LRP1B: variants seen among roughly 807,000 people sequenced by gnomAD.
LRP1B encodes the protein low-density lipoprotein receptor-related protein 1B.
LRP1B carries 217 observed loss-of-function variants against 556.6 expected under a neutral mutation model. The ratio of observed to expected loss-of-function variants is 0.39; its 90% CI spans 0.35 to 0.44. LRP1B has a LOEUF of 0.44. Among genes scored for constraint, LRP1B ranks in the 20% least tolerant of loss-of-function variants. The pLI is 1.00. For synonymous variants in LRP1B, 2,047 were observed against 1,865.8 expected (o/e 1.10, Z -2.50); for missense variants, 5,053 against 5,620.8 (o/e 0.90, Z 3.23).
At position 140,247,069 on chromosome 2, in the gene LRP1B, T is replaced by A; in HGVS notation, c.13324+17A>T. 6.3e-7 allele frequency: 1 copy of A among 1,589,372 alleles called. No individual in the cohort carries two copies. The highest frequency in any genetic ancestry group is 1.1e-5 in the South Asian group (1 of 90,410). On this transcript the variant is annotated intron_variant, in intron 87 of 90. Transcript: ENST00000389484. ...ATACAGTGTAGATTACCCAAAATAT[T>A]AATCTGAGAAACTTACTTGTGCTGA...
At chr2:141,698,674 A>G (rs1202399206) in intron 2 of LRP1B, among the ~76,000 whole-genome samples, 1 of 151,718 alleles carries the variant, frequency 6.6e-6, no homozygotes, top group Non-Finnish European at 1.5e-5. Context: ...GAGCTGTAGC[A>G]TATTCCAAAT....
intron 2 of LRP1B, among the ~76,000 whole-genome samples, chr2:141,510,234 A>ACACACCCCC (rs767916859): frequency 6.9e-6 from 1 of 145,282 alleles, no homozygotes; most frequent in African/African-American, 2.5e-5. Flanking sequence ...ACACACACAC[A>ACACACCCCC]CCCCCCACAG....
At chr2:141,677,433 C>T (rs1690926483) in intron 2 of LRP1B, among the ~76,000 whole-genome samples, 1 of 152,118 alleles carries the variant, frequency 6.6e-6, no homozygotes, top group African/African-American at 2.4e-5. Flanking sequence ...AACATTATTA[C>T]AGGGGAGTTA....
chr2:141,300,264 G>C (rs2105428064), intron 3 of LRP1B, among the ~76,000 whole-genome samples: 1 of 152,222 alleles, frequency 6.6e-6, no homozygotes, highest in African/African-American at 2.4e-5. Context: ...AACTGCTTTG[G>C]AGGTACACAA....
chr2:141,415,806 T>C (rs1346545273), intron 3 of LRP1B, among the ~76,000 whole-genome samples: 1 of 152,166 alleles, frequency 6.6e-6, no homozygotes, highest in Non-Finnish European at 1.5e-5. Context: ...GAAAATGAAG[T>C]ATGTGATTGC....
At chr2:141,770,823 G>T (rs190677172) in intron 2 of LRP1B, among the ~76,000 whole-genome samples, 80 of 152,304 alleles carry the variant, frequency 5.3e-4, no homozygotes, top group Admixed American at 3.5e-3. Context: ...GAAATGAGTT[G>T]CCTGTTAATA....
intron 2 of LRP1B, among the ~76,000 whole-genome samples, chr2:141,581,701 T>C (rs1026015367): frequency 8.5e-5 from 13 of 152,186 alleles, no homozygotes; most frequent in Admixed American, 6.5e-4. Context: ...CTTTAATTCA[T>C]ATGCTTGCCA....
At chr2:140,441,174 A>G (rs1272746071) in intron 66 of LRP1B, among the ~76,000 whole-genome samples, 1 of 152,198 alleles carries the variant, frequency 6.6e-6, no homozygotes, top group Non-Finnish European at 1.5e-5. Flanking sequence ...CTACCAAAAC[A>G]AAGTCAAATC....
At chr2:141,770,479 T>A (rs1013983156) in intron 2 of LRP1B, among the ~76,000 whole-genome samples, 16 of 152,218 alleles carry the variant, frequency 1.1e-4, no homozygotes, top group African/African-American at 3.6e-4. Context: ...ATACCCTGAG[T>A]CATTTCACTA....
At position 141,068,397 on chromosome 2, in the gene LRP1B, C is replaced by T. The variant is rs182697190; in HGVS notation, c.1014-6124G>A. 4.0e-3 allele frequency among the ~76,000 whole-genome samples: 614 copies of T among 151,854 alleles called. 2 individuals carry two copies. Among genetic ancestry groups the T allele is most frequent in the African/African-American group, 0.014 (570 of 41,452 alleles). ...CATTTTATAGACAGGCTTGAGGAGG[C>T]GGTGTCTGATTTACATAGGGCCCAA... On this transcript the variant is annotated intron_variant, in intron 7 of 90. Coordinates refer to ENST00000389484, the MANE Select transcript of LRP1B (RefSeq NM_018557.3).
intron 32 of LRP1B, among the ~76,000 whole-genome samples, chr2:140,782,359 C>T (rs894533817): frequency 9.9e-5 from 15 of 152,124 alleles, no homozygotes; most frequent in Admixed American, 2.0e-4. Flanking sequence ...CCCATTAGGA[C>T]GGATCTTAAT....
intron 3 of LRP1B, among the ~76,000 whole-genome samples, chr2:141,444,284 A>G (rs774167187): frequency 1.1e-4 from 17 of 152,166 alleles, no homozygotes; most frequent in Non-Finnish European, 2.2e-4. Context: ...TTGATTTTGT[A>G]TCCTGAGAGT....
Position 141,591,369 on chromosome 2 carries a change from T to TG in LRP1B, c.206-110837_206-110836insC, listed in dbSNP as rs1207757225. ...TTTTTGTTGTTGTTTGTTTGTTTTT[T>TG]TTTTTTTCCCAGGCCTCTGATCTGG... is the stretch of plus-strand genomic sequence containing the variant. On this transcript the variant is annotated intron_variant, in intron 2 of 90. Transcript: ENST00000389484. Among the ~76,000 whole-genome samples, 12 of 150,696 alleles carry TG rather than the reference T, an allele frequency of 8.0e-5. No individual in the cohort carries two copies. The East Asian group carries it at 1.4e-3, about 17-fold the overall frequency.
At chr2:140,656,370 C>A (rs557480843) in intron 41 of LRP1B, among the ~76,000 whole-genome samples, 9 of 152,122 alleles carry the variant, frequency 5.9e-5, no homozygotes, top group African/African-American at 2.2e-4. Context: ...TTACAATTTT[C>A]AAAAAATCAT....
intron 3 of LRP1B, among the ~76,000 whole-genome samples, chr2:141,381,241 A>G (rs1179514024): frequency 2.6e-5 from 4 of 152,036 alleles, no homozygotes; most frequent in Non-Finnish European, 1.5e-5. Context: ...GAAATCACAA[A>G]ACTGAAGAAT....
rs1175750978 is a variant in LRP1B at position 141,593,724 on chromosome 2, C to CAAAA, written c.206-113195_206-113192dup. ...TGGGCGACAGAGCGAGACTCCGTCT[C>CAAAA]AAAAAAAAAAAAAAAAAAAAAAAAA... On this transcript the variant is annotated intron_variant, in intron 2 of 90. Coordinates refer to ENST00000389484, the MANE Select transcript of LRP1B (RefSeq NM_018557.3). Among the ~76,000 whole-genome samples, 2 of 130,902 alleles carry CAAAA rather than the reference C, an allele frequency of 1.5e-5. 1 individual carries two copies. Among genetic ancestry groups the CAAAA allele is most frequent in the African/African-American group, 7.5e-5 (2 of 26,652 alleles). 85.9% of individuals were successfully genotyped at this position (130,902 alleles called of 152,430 possible).
In LRP1B at chr2:142,115,582, A is replaced by AATATATATTATATATT. The variant is rs1559079802; in HGVS notation, c.82+15065_82+15066insAATATATAATATATAT. 1.1e-3 allele frequency among the ~76,000 whole-genome samples: 46 copies of AATATATATTATATATT among 42,942 alleles called. 6 individuals carry two copies. The highest frequency in any genetic ancestry group is 3.6e-3 in the African/African-American group (42 of 11,682). 28.2% of individuals were successfully genotyped at this position (42,942 alleles called of 152,430 possible). On this transcript the variant is annotated intron_variant, in intron 1 of 90. Transcript: ENST00000389484. ...TATATGTAATATATATTATATATGTAATATATATATTATATATGTAATATA... is the reference window on the plus strand; with the variant it reads ...TATATGTAATATATATTATATATGTAATATATATTATATATTATATATATATTATATATGTAATATA...
At chr2:141,696,749 G>T (rs1051544090) in intron 2 of LRP1B, among the ~76,000 whole-genome samples, 1 of 151,964 alleles carries the variant, frequency 6.6e-6, no homozygotes, top group Non-Finnish European at 1.5e-5. Context: ...AATTTTGAGG[G>T]AAGATTAAGA....
chr2:141,898,708 A>C (rs1699530065), intron 1 of LRP1B, among the ~76,000 whole-genome samples: 1 of 152,146 alleles, frequency 6.6e-6, no homozygotes, highest in Non-Finnish European at 1.5e-5. Flanking sequence ...ATCATATAAA[A>C]AATGCCAGCA....
Sources: gnomAD v4.1 joint callset for allele counts (sites outside exome capture counted in the v4.1 genomes callset) on GRCh38, gnomAD v4.1.1 for gene constraint, MANE v1.5 for transcripts, NCBI Gene and HGNC (gene_info 2026-07-23, HGNC 2026-07-21) for gene names.